The following ZNF644 variants were observed in gnomAD, a reference collection of about 807,000 sequenced individuals.
ZNF644 encodes the protein zinc finger protein 644, also known as zinc finger motif enhancer binding protein 2.
In ZNF644, 20 loss-of-function variants were observed where a neutral mutation model predicts 108.0. The ratio of observed to expected loss-of-function variants is 0.19; its 90% CI spans 0.13 to 0.27. ZNF644 has a LOEUF of 0.27. Among genes scored for constraint, ZNF644 ranks in the 10% least tolerant of loss-of-function variants. The pLI, the probability that ZNF644 is intolerant of heterozygous loss-of-function variation, is 1.00. For synonymous variants in ZNF644, 542 were observed against 539.1 expected, an observed-to-expected ratio of 1.01 and a Z score of -0.08; for missense variants, 1,338 against 1,548.9, an observed-to-expected ratio of 0.86 and a Z score of 2.29.
intron 1 of ZNF644, among the ~76,000 whole-genome samples, chr1:91,012,309 C>T (rs1385540444): frequency 4.2e-5 from 6 of 144,442 alleles, no homozygotes; most frequent in African/African-American, 1.0e-4. Flanking sequence ...TCTCTACTAC[C>T]GAAAGAAAAA....
chr1:91,003,646 C>T (rs200498340), intron 1 of ZNF644, among the ~76,000 whole-genome samples: 2 of 147,932 alleles, frequency 1.4e-5, no homozygotes, highest in South Asian at 2.1e-4. Flanking sequence ...CAAACCTGCA[C>T]ATTGTGCACA....
chr1:91,009,321 CTT>C lies in ZNF644; in HGVS notation c.-18+12667_-18+12668del, dbSNP rs2308014. The stretch of plus-strand genomic sequence containing the variant: ...CAAGCTTCTGTTCTATTTCCTAACT[CTT>C]AAAAAAAAAGAGGATTTAAAAAACT... On this transcript the variant is annotated intron_variant, in intron 1 of 5. Transcript: ENST00000337393. 1.5e-3 allele frequency among the ~76,000 whole-genome samples: 233 copies of C among 151,350 alleles called. 4 individuals are homozygous for C. The highest frequency in any genetic ancestry group is 0.01 in the Middle Eastern group (3 of 290).
intron 2 of ZNF644, among the ~76,000 whole-genome samples, chr1:90,943,864 A>G (rs776566806): frequency 3.9e-5 from 6 of 152,236 alleles, no homozygotes; most frequent in Non-Finnish European, 5.9e-5. Flanking sequence ...TTCATTCCTG[A>G]TATTTCTCAT....
intron 2 of ZNF644, among the ~76,000 whole-genome samples, chr1:90,955,330 A>G (rs1396078777): frequency 6.6e-6 from 1 of 152,200 alleles, no homozygotes; most frequent in Non-Finnish European, 1.5e-5. Flanking sequence ...CAGCTGCATT[A>G]GCCACTAACA....
In ZNF644 at chr1:90,940,174, T is replaced by C; in HGVS notation, c.1180A>G (p.Ser394Gly). The part of the protein sequence containing the change: ...SNTLKKKCEE[S>G]DSESPATFST... ...AAAGTAGCAGGTGACTCAGAATCAC[T>C]CTCTTCACATTTCTTTTTTAAGGTA... Residue 394 changes from serine to glycine, a missense_variant, in exon 3 of 6, where the codon AGT becomes GGT. Physicochemically the swap from Ser to Gly is moderately conservative, Grantham distance 56 (BLOSUM62 0). Coordinates refer to ENST00000337393, the MANE Select transcript of ZNF644 (RefSeq NM_201269.3). The C allele has an allele frequency of 1.9e-6, 3 of 1,614,016 alleles. No homozygotes were observed. Among genetic ancestry groups the C allele is most frequent in the Non-Finnish European group, 2.5e-6 (3 of 1,179,940 alleles).
chr1:90,977,723 G>A (rs868079290), intron 2 of ZNF644, among the ~76,000 whole-genome samples: 2 of 152,138 alleles, frequency 1.3e-5, no homozygotes, highest in African/African-American at 4.8e-5. Context: ...GCAATCTACT[G>A]CTACAAATTA....
chr1:90,953,768 TA>T (rs1274715382), intron 2 of ZNF644, among the ~76,000 whole-genome samples: 1 of 151,622 alleles, frequency 6.6e-6, no homozygotes, highest in Non-Finnish European at 1.5e-5. Flanking sequence ...TACAAAAAAT[TA>T]GCCAGGTGTG....
At chr1:90,951,593 T>A (rs566170415) in intron 2 of ZNF644, among the ~76,000 whole-genome samples, 1 of 152,322 alleles carries the variant, frequency 6.6e-6, no homozygotes, top group African/African-American at 2.4e-5. Context: ...AATGCCAACC[T>A]GGACCACTCT....
rs767633650 is a variant in ZNF644, at chr1:90,939,483, TCAAGTC to T, written c.1865_1870del (p.Gly622_Leu623del). ...TTCAAGGATGTCATTTTTTCTTTTA[TCAAGTC>T]CAAGAGGACTACCAAATGAATCAAC... On this transcript the variant is annotated inframe_deletion, in exon 3 of 6. Coordinates refer to ENST00000337393, the MANE Select transcript of ZNF644 (RefSeq NM_201269.3). The T allele has an allele frequency of 1.9e-6, 3 of 1,613,826 alleles. No homozygotes were observed. Among genetic ancestry groups the T allele is most frequent in the Non-Finnish European group, 2.5e-6 (3 of 1,179,898 alleles).
At chr1:90,958,232 T>TAAA (rs777224217) in intron 2 of ZNF644, among the ~76,000 whole-genome samples, 16 of 41,396 alleles carry the variant, frequency 3.9e-4, no homozygotes, top group South Asian at 1.1e-3. Flanking sequence ...GCAAAACTCC[T>TAAA]AAAAAAAAAA....
chr1:90,940,934 A>G lies in ZNF644; in HGVS notation c.420T>C (p.Thr140=). ...NMNKGSVSLT[T]GQPVDQPTTE... Reference sequence around the variant, plus strand: ...TTGTTGGCTGATCCACAGGCTGTCCAGTGGTTAATGAAACACTGCCTTTAT... The same window carrying G: ...TTGTTGGCTGATCCACAGGCTGTCCGGTGGTTAATGAAACACTGCCTTTAT... Residue 140 remains threonine, a synonymous_variant, in exon 3 of 6, where the codon ACT becomes ACC. Coordinates refer to ENST00000337393, the MANE Select transcript of ZNF644 (RefSeq NM_201269.3). The G allele has an allele frequency of 6.2e-7, 1 of 1,614,132 alleles. No individual in the cohort carries two copies. Among genetic ancestry groups the G allele is most frequent in the Non-Finnish European group, 8.5e-7 (1 of 1,179,992 alleles).
At position 90,938,881 on chromosome 1, in the gene ZNF644, C is replaced by T; in HGVS notation, c.2473G>A (p.Asp825Asn). Reference protein sequence around the residue: ...SKKESSVGGEDLDSYPDFLHK... With the variant: ...SKKESSVGGENLDSYPDFLHK... Reference sequence around the variant, plus strand: ...AAAAAATCTGGATAGCTATCCAAGTCTTCCCCTCCAACAGAACTTTCCTTC... The same window carrying T: ...AAAAAATCTGGATAGCTATCCAAGTTTTCCCCTCCAACAGAACTTTCCTTC... Residue 825 changes from aspartate (D) to asparagine (N), a missense_variant, in exon 3 of 6, where the codon GAC becomes AAC. Physicochemically the swap from Asp to Asn is conservative, Grantham distance 23. Transcript: ENST00000337393. This position sits in a 1 kb window ranked among gnomAD's most constrained non-coding sequence, Gnocchi z 4.2. The T allele has an allele frequency of 6.2e-7, 1 of 1,613,976 alleles. No homozygotes were observed.
chr1:91,002,361 C>T (rs563901389), intron 1 of ZNF644, among the ~76,000 whole-genome samples: 2 of 152,254 alleles, frequency 1.3e-5, no homozygotes, highest in East Asian at 3.9e-4. Flanking sequence ...ACAGAGCCCT[C>T]AGAAATAATA....
In ZNF644 at chr1:91,011,951, T is replaced by C. The variant is rs946111400; in HGVS notation, c.-18+10039A>G. Among the ~76,000 whole-genome samples, 62 of 152,134 alleles carry C rather than the reference T, an allele frequency of 4.1e-4. 1 individual carries two copies. Among genetic ancestry groups the C allele is most frequent in the African/African-American group, 1.4e-3 (60 of 41,438 alleles). On this transcript the variant is annotated intron_variant, in intron 1 of 5. Transcript: ENST00000337393. ...TCCACCTACTTCCTGGCTATATGCC[T>C]AGAGAATACTGTAATGACAGCAAGC...
intron 2 of ZNF644, among the ~76,000 whole-genome samples, chr1:90,954,429 CAG>C (rs1390281271): frequency 6.6e-6 from 1 of 150,772 alleles, no homozygotes; most frequent in African/African-American, 2.4e-5. Flanking sequence ...TTTTTTGAGA[CAG>C]AGTCTCACTC....
intron 1 of ZNF644, among the ~76,000 whole-genome samples, chr1:90,995,365 A>G (rs1460662072): frequency 6.6e-6 from 1 of 152,166 alleles, no homozygotes; most frequent in Non-Finnish European, 1.5e-5. Flanking sequence ...TAAAATAACT[A>G]AAGAAAAATA....
At chr1:90,959,974 A>T (rs1421244227) in intron 2 of ZNF644, among the ~76,000 whole-genome samples, 4 of 152,190 alleles carry the variant, frequency 2.6e-5, no homozygotes, top group Non-Finnish European at 5.9e-5. Flanking sequence ...CATCCCACTC[A>T]GAGGGATATA....
At chr1:90,958,405 A>C (rs902092524) in intron 2 of ZNF644, among the ~76,000 whole-genome samples, 16 of 152,032 alleles carry the variant, frequency 1.1e-4, no homozygotes, top group African/African-American at 3.9e-4. Context: ...AATTCCCCCA[A>C]AGTGATCCCA....
At chr1:90,967,725 C>T (rs756140839) in intron 2 of ZNF644, among the ~76,000 whole-genome samples, 25 of 151,848 alleles carry the variant, frequency 1.6e-4, no homozygotes, top group Non-Finnish European at 3.4e-4. Context: ...GGGTAGCCTG[C>T]CCCTAGCCAC....
Sources: allele counts gnomAD v4.1 joint callset (sites outside exome capture counted in the v4.1 genomes callset), GRCh38; gene constraint gnomAD v4.1.1; non-coding constraint Gnocchi (gnomAD v3.1); transcripts MANE v1.5; gene names NCBI Gene and HGNC (gene_info 2026-07-23, HGNC 2026-07-21).